The following ITGB1BP1 variants were observed in gnomAD, a reference collection of about 807,000 sequenced individuals.
ITGB1BP1 encodes integrin beta-1-binding protein 1.
A neutral mutation model predicts 28.0 loss-of-function variants in ITGB1BP1; 20 were observed. The ratio of observed to expected loss-of-function variants is 0.71; its 90% CI spans 0.50 to 1.04. ITGB1BP1 has a LOEUF of 1.04. Ranked by LOEUF, ITGB1BP1 falls within the 50% of genes least tolerant of loss-of-function variation. The pLI, the probability that ITGB1BP1 is intolerant of heterozygous loss-of-function variation, is 0.00. For synonymous variants in ITGB1BP1, 103 were observed against 89.5 expected, an observed-to-expected ratio of 1.15 and a Z score of -0.85; for missense variants, 228 against 242.5, an observed-to-expected ratio of 0.94 and a Z score of 0.40.
chr2:9,414,834 G>A (rs1678910329), intron 2 of ITGB1BP1, among the ~76,000 whole-genome samples: 1 of 152,198 alleles, frequency 6.6e-6, no homozygotes. Flanking sequence ...TAACTGGCAG[G>A]ACAGAGCAGA....
Position 9,406,066 on chromosome 2 carries a change from C to CTGTGA in ITGB1BP1, c.*767_*768insTCACA. 1 of 124,062 alleles carries CTGTGA rather than the reference C, an allele frequency of 8.1e-6. No homozygotes were observed. Among genetic ancestry groups the CTGTGA allele is most frequent in the African/African-American group, 3.0e-5 (1 of 32,804 alleles). The allele number at this position is 124,062 out of a possible 1,614,324, so 7.7% of individuals were successfully genotyped here. ...GTGGACCTCTGTGACATCTCGTCTT[C>CTGTGA]CTCAGGCCTTCAGTGTGTGTTTGTC... On this transcript the variant is annotated 3_prime_UTR_variant, in exon 7 of 7. Coordinates refer to ENST00000355346, the MANE Select transcript of ITGB1BP1 (RefSeq NM_004763.5).
chr2:9,418,540 A>T (rs1679421332), intron 2 of ITGB1BP1, 86 bp downstream of exon 2: 2 of 920,954 alleles, frequency 2.2e-6, no homozygotes, highest in South Asian at 2.6e-5. Context: ...AGATCTGCCC[A>T]CGGTCAGTAT....
In ITGB1BP1 at chr2:9,418,727, G is replaced by A. The variant is rs757865713; in HGVS notation, c.-30C>T. The A allele has an allele frequency of 6.2e-7, 1 of 1,604,656 alleles. No homozygotes were observed. Among genetic ancestry groups the A allele is most frequent in the Non-Finnish European group, 8.5e-7 (1 of 1,173,630 alleles). The stretch of plus-strand genomic sequence containing the variant: ...CACCACCATTGCTTGATCCAGAGAA[G>A]ATCCCCTGAAAAAACAAATATTGGT... On this transcript the variant is annotated 5_prime_UTR_variant, in exon 2 of 7. Coordinates refer to ENST00000355346, the MANE Select transcript of ITGB1BP1 (RefSeq NM_004763.5).
intron 1 of ITGB1BP1, chr2:9,422,514 G>C: frequency 1.0e-6 from 1 of 985,520 alleles, no homozygotes; most frequent in Non-Finnish European, 1.2e-6. Context: ...GGCCTTCCTG[G>C]GATCTCAAGG....
Position 9,418,883 on chromosome 2 carries a change from A to G in ITGB1BP1, c.-35-151T>C, listed in dbSNP as rs1191505233. Among the ~76,000 whole-genome samples, 3 of 151,578 alleles carry G rather than the reference A, an allele frequency of 2.0e-5. No individual in the cohort carries two copies. The East Asian group carries it at 5.8e-4, about 29-fold the overall frequency. ...TTGACCTCACACCTCAGCCTCCCCG[A>G]GTAGCTGGGACTACAGGCATGTGCC... is the stretch of plus-strand genomic sequence containing the variant. On this transcript the variant is annotated intron_variant, in intron 1 of 6. Transcript: ENST00000355346.
At position 9,414,174 on chromosome 2, in the gene ITGB1BP1, G is replaced by T; in HGVS notation, c.151+4C>A. The T allele has an allele frequency of 6.2e-7, 1 of 1,612,162 alleles. No homozygotes were observed. Among genetic ancestry groups the T allele is most frequent in the Non-Finnish European group, 8.5e-7 (1 of 1,178,280 alleles). On this transcript the variant is annotated splice_donor_region_variant and intron_variant, in intron 3 of 6. Transcript: ENST00000355346. ...ACAATCAATGATCCAACCCTTTTAT[G>T]TACCTGAGCTTTTGGTGGAATCTGT... is the stretch of plus-strand genomic sequence containing the variant.
intron 1 of ITGB1BP1, among the ~76,000 whole-genome samples, chr2:9,419,641 C>T (rs764056389): frequency 3.3e-5 from 5 of 152,106 alleles, no homozygotes; most frequent in Non-Finnish European, 7.4e-5. Flanking sequence ...AAGATTCATC[C>T]TTGCCAGTTG....
In ITGB1BP1 at chr2:9,404,188, T is replaced by TAACACATCACTTGCTGTTTC. The variant is rs1676990803; in HGVS notation, c.*2626_*2645dup. The TAACACATCACTTGCTGTTTC allele has an allele frequency of 6.6e-6, 1 of 152,214 alleles. No individual in the cohort carries two copies. The highest frequency in any genetic ancestry group is 6.5e-5 in the Admixed American group (1 of 15,274). The allele number at this position is 152,214 out of a possible 1,614,324, so 9.4% of individuals were successfully genotyped here. ...TTCTGTGGCGCAGACCATGCTGTAT[T>TAACACATCACTTGCTGTTTC]AACACATCACTTGCTGTTTCCTACT... On this transcript the variant is annotated 3_prime_UTR_variant, in exon 7 of 7. Coordinates refer to ENST00000355346, the MANE Select transcript of ITGB1BP1 (RefSeq NM_004763.5).
chr2:9,407,325 T>C, intron 6 of ITGB1BP1, 124 bp downstream of exon 6: 1 of 1,120,088 alleles, frequency 8.9e-7, no homozygotes, highest in Non-Finnish European at 1.3e-6. Flanking sequence ...TAATATTCAT[T>C]CACTATCCCC....
At chr2:9,420,692 G>A (rs1367003965) in intron 1 of ITGB1BP1, among the ~76,000 whole-genome samples, 1 of 152,260 alleles carries the variant, frequency 6.6e-6, no homozygotes, top group Non-Finnish European at 1.5e-5. Context: ...TGGGCCCAAA[G>A]TGCCACAGAA....
intron 2 of ITGB1BP1, among the ~76,000 whole-genome samples, chr2:9,414,679 G>A (rs1230726321): frequency 2.0e-5 from 3 of 152,156 alleles, no homozygotes; most frequent in Non-Finnish European, 2.9e-5. Flanking sequence ...AATGAGGAAG[G>A]AGACTGAGAC....
chr2:9,407,891 TGGGGGTGGGGGGG>T, intron 5 of ITGB1BP1: 1 of 462,398 alleles, frequency 2.2e-6, no homozygotes, highest in Non-Finnish European at 3.9e-6. Context: ...TCTGTGTGTT[TGGGGGTGGGGGGG>T]GCAGGTTGCA....
At chr2:9,416,542 G>A (rs1353738963) in intron 2 of ITGB1BP1, among the ~76,000 whole-genome samples, 5 of 152,162 alleles carry the variant, frequency 3.3e-5, no homozygotes, top group Non-Finnish European at 7.3e-5. Context: ...ACTCCCAGGG[G>A]TCTTCAGCCC....
Position 9,403,640 on chromosome 2 carries a change from T to G in ITGB1BP1, c.*3194A>C. ...ACGGAATTAGCTAAACCTAAAAATGTTTGCATTAATGAATAAATTCTTCCT... is the reference window on the plus strand; with the variant it reads ...ACGGAATTAGCTAAACCTAAAAATGGTTGCATTAATGAATAAATTCTTCCT... On this transcript the variant is annotated 3_prime_UTR_variant, in exon 7 of 7. Transcript: ENST00000355346. 3.7e-6 allele frequency: 1 copy of G among 272,510 alleles called. No individual in the cohort carries two copies. Among genetic ancestry groups the G allele is most frequent in the East Asian group, 8.2e-5 (1 of 12,146 alleles). The allele number at this position is 272,510 out of a possible 1,614,324, so 16.9% of individuals were successfully genotyped here. A position where few individuals can be genotyped will look rare whatever the true frequency, so the allele number is the denominator to read the frequency against.
At chr2:9,422,137 C>T (rs1679956018) in intron 1 of ITGB1BP1, among the ~76,000 whole-genome samples, 3 of 152,170 alleles carry the variant, frequency 2.0e-5, no homozygotes, top group African/African-American at 7.2e-5. Context: ...GGGACCTTGT[C>T]CTACTGGATT....
chr2:9,412,098 T>A, intron 4 of ITGB1BP1, 171 bp downstream of exon 4: 2 of 595,674 alleles, frequency 3.4e-6, no homozygotes. Flanking sequence ...GCGCCTGTGT[T>A]CCCATGCAGC....
At chr2:9,423,536 C>A, upstream of ITGB1BP1, 1 of 1,169,734 alleles carries the variant, frequency 8.5e-7, no homozygotes, top group Non-Finnish European at 1.1e-6. Flanking sequence ...TATGCGCAGG[C>A]GCAGTCCTGA....
chr2:9,420,713 G>A (rs1397143456), intron 1 of ITGB1BP1, among the ~76,000 whole-genome samples: 1 of 152,232 alleles, frequency 6.6e-6, no homozygotes, highest in East Asian at 1.9e-4. Context: ...GGCCAGGCAG[G>A]CCGCGGTAAC....
At chr2:9,412,948 A>G (rs1572706553) in intron 3 of ITGB1BP1, among the ~76,000 whole-genome samples, 1 of 152,180 alleles carries the variant, frequency 6.6e-6, no homozygotes, top group Non-Finnish European at 1.5e-5. Context: ...GAAAGACCAC[A>G]TAGTTTGTCT....
Sources: gnomAD v4.1 joint callset for allele counts (sites outside exome capture counted in the v4.1 genomes callset) on GRCh38, gnomAD v4.1.1 for gene constraint, MANE v1.5 for transcripts, NCBI Gene and HGNC (gene_info 2026-07-23, HGNC 2026-07-21) for gene names.